Variants in LIPA observed in about 807,000 individuals in gnomAD.
The protein encoded by LIPA is lysosomal acid lipase/cholesteryl ester hydrolase.
LIPA carries 26 observed loss-of-function variants against 40.6 expected under a neutral mutation model. The ratio of observed to expected loss-of-function variants is 0.64; its 90% CI spans 0.47 to 0.89. The LOEUF (loss-of-function observed/expected upper bound fraction) is 0.89. LIPA is among the 40% of genes least tolerant of loss of function. LIPA has a pLI of 0.00. For synonymous variants in LIPA, 188 were observed against 168.4 expected (o/e 1.12, Z -0.90); for missense variants, 455 against 479.6 (o/e 0.95, Z 0.48).
At chr10:89,384,209 T>C in intron 2 of LIPA, 2 of 1,614,132 alleles carry the variant, frequency 1.2e-6, no homozygotes, top group Non-Finnish European at 1.7e-6. Flanking sequence ...AGGGCACAAA[T>C]GATCCAAATC....
intron 3 of LIPA, 28 bp downstream of exon 3, chr10:89,245,648 G>T: frequency 1.7e-6 from 2 of 1,175,710 alleles, no homozygotes; most frequent in Non-Finnish European, 2.6e-6. Context: ...AAGAATTCTG[G>T]TTTTTACTTT....
intron 2 of LIPA, among the ~76,000 whole-genome samples, chr10:89,408,822 T>A (rs1841446078): frequency 6.6e-6 from 1 of 152,110 alleles, no homozygotes; most frequent in Non-Finnish European, 1.5e-5. Flanking sequence ...ACCTGGTATC[T>A]TAGTCAGATA....
intron 3 of LIPA, among the ~76,000 whole-genome samples, chr10:89,244,609 C>T (rs781404585): frequency 5.3e-5 from 8 of 152,214 alleles, no homozygotes; most frequent in Middle Eastern, 3.4e-3. Context: ...AAATAAGCTA[C>T]ATCTGGAGAG....
intron 1 of LIPA, among the ~76,000 whole-genome samples, chr10:89,413,598 C>T (rs1841495945): frequency 6.6e-6 from 1 of 151,950 alleles, no homozygotes; most frequent in Non-Finnish European, 1.5e-5. Context: ...AAAACCCCGC[C>T]TCTACAAAAA....
chr10:89,253,241 C>G (rs1308557085), upstream of LIPA, among the ~76,000 whole-genome samples: 2 of 152,108 alleles, frequency 1.3e-5, no homozygotes, highest in African/African-American at 4.8e-5. Context: ...TCTCATGCTG[C>G]TAATAAAGAC....
chr10:89,343,091 T>C (rs1054613061), upstream of LIPA, among the ~76,000 whole-genome samples: 5 of 152,232 alleles, frequency 3.3e-5, no homozygotes, highest in African/African-American at 9.6e-5. Context: ...TCCTTACTCA[T>C]TGTAAGAGTC....
At chr10:89,295,757 T>G (rs951681930) in intron 1 of LIPA, among the ~76,000 whole-genome samples, 2 of 152,230 alleles carry the variant, frequency 1.3e-5, no homozygotes, top group African/African-American at 4.8e-5. Context: ...TATATATTTG[T>G]AGCAACGAGG....
chr10:89,361,875 CTTTTTTTTTTTTTTTTT>C (rs59818683), intron 2 of LIPA, among the ~76,000 whole-genome samples: 62 of 40,440 alleles, frequency 1.5e-3, no homozygotes, highest in Middle Eastern at 0.012. Context: ...CTCCACCTGC[CTTTTTTTTTTTTTTTTT>C]TTTTTTTTTT....
At chr10:89,360,816 T>C (rs1259047771) in intron 2 of LIPA, among the ~76,000 whole-genome samples, 2 of 152,214 alleles carry the variant, frequency 1.3e-5, no homozygotes, top group Non-Finnish European at 2.9e-5. Flanking sequence ...ACAAATTGGG[T>C]GGCTTAAAAC....
intron 2 of LIPA, among the ~76,000 whole-genome samples, chr10:89,407,330 C>G (rs1056267383): frequency 1.3e-5 from 2 of 152,202 alleles, no homozygotes; most frequent in Non-Finnish European, 2.9e-5. Context: ...AGTCCCGCTT[C>G]TAAAAACCAC....
Position 89,378,201 on chromosome 10 carries a change from C to A in LIPA, c.61+34590G>T. 1.9e-6 allele frequency: 3 copies of A among 1,581,424 alleles called. No individual in the cohort carries two copies. The South Asian group carries it at 3.3e-5, about 18-fold the overall frequency. The stretch of plus-strand genomic sequence containing the variant: ...GCACACTTTGAAATTCTAAAACTTT[C>A]CTTAAGGGCCAATTTTTTGACAGGC... On this transcript the variant is annotated intron_variant, in intron 2 of 8. Coordinates refer to the LIPA transcript ENST00000371837.
rs183773250 is a variant in LIPA at position 89,361,726 on chromosome 10, A to T, written c.61+51065T>A. On this transcript the variant is annotated intron_variant, in intron 2 of 8. Coordinates refer to the LIPA transcript ENST00000371837. Reference sequence around the variant, plus strand: ...ATTTTTAACTAAGGCTTCACAGCCTAGTATGGTTCCTCCTTAGGATATTGC... The same window carrying T: ...ATTTTTAACTAAGGCTTCACAGCCTTGTATGGTTCCTCCTTAGGATATTGC... Among the ~76,000 whole-genome samples the T allele has an allele frequency of 4.6e-5, 7 of 152,206 alleles. No individual in the cohort carries two copies. The East Asian group carries it at 1.4e-3, about 29-fold the overall frequency.
intron 1 of LIPA, among the ~76,000 whole-genome samples, chr10:89,287,720 A>C (rs1316388039): frequency 6.6e-6 from 1 of 151,916 alleles, no homozygotes; most frequent in Non-Finnish European, 1.5e-5. Context: ...GGATTAAAGC[A>C]TGTTATCACT....
chr10:89,235,004 G>A (rs948929055), intron 3 of LIPA, among the ~76,000 whole-genome samples: 1 of 152,248 alleles, frequency 6.6e-6, no homozygotes, highest in Admixed American at 6.5e-5. Context: ...CACAGGCCAT[G>A]CTTTTCAGTG....
intron 2 of LIPA, among the ~76,000 whole-genome samples, chr10:89,356,283 C>G (rs888562244): frequency 6.6e-6 from 1 of 152,230 alleles, no homozygotes; most frequent in East Asian, 1.9e-4. Context: ...CTTCCAGCAC[C>G]TCAATGTGTT....
intron 2 of LIPA, among the ~76,000 whole-genome samples, chr10:89,355,847 C>T (rs567034650): frequency 2.6e-5 from 4 of 152,284 alleles, no homozygotes; most frequent in African/African-American, 9.6e-5. Context: ...TGGCATTTTG[C>T]CATGGCAACA....
At chr10:89,370,624 C>G (rs1844086357) in intron 2 of LIPA, among the ~76,000 whole-genome samples, 1 of 152,132 alleles carries the variant, frequency 6.6e-6, no homozygotes, top group Admixed American at 6.6e-5. Flanking sequence ...CCAGATAACT[C>G]TTTGCTGTGA....
chr10:89,358,423 G>A (rs770364652), intron 2 of LIPA, among the ~76,000 whole-genome samples: 9 of 152,046 alleles, frequency 5.9e-5, no homozygotes, highest in Non-Finnish European at 1.0e-4. Context: ...ATCCACTGCT[G>A]GATATATATT....
At chr10:89,216,103 A>G (rs1842622991) in intron 8 of LIPA, 94 bp from the exon 9 acceptor site, 1 of 813,786 alleles carries the variant, frequency 1.2e-6, no homozygotes, top group Non-Finnish European at 2.2e-6. Context: ...TCGGAAATCA[A>G]CTTTATACCA....
Sources: allele counts gnomAD v4.1 joint callset (sites outside exome capture counted in the v4.1 genomes callset), GRCh38; gene constraint gnomAD v4.1.1; transcripts MANE v1.5; gene names NCBI Gene and HGNC (gene_info 2026-07-23, HGNC 2026-07-21).